Variants in DAB2IP observed in about 807,000 individuals in gnomAD.
The protein encoded by DAB2IP is disabled homolog 2-interacting protein.
DAB2IP carries 28 observed loss-of-function variants against 107.2 expected under a neutral mutation model. The observed-to-expected ratio is 0.26, with a 90% CI of 0.19 to 0.36. The LOEUF is 0.36. DAB2IP is among the 10% of genes least tolerant of loss of function. The pLI, the probability that DAB2IP is intolerant of heterozygous loss-of-function variation, is 1.00. For missense variants in DAB2IP, 1,400 were observed against 1,644.7 expected, an observed-to-expected ratio of 0.85 and a Z score of 2.57; for synonymous variants, 755 against 706.4, an observed-to-expected ratio of 1.07 and a Z score of -1.09.
intron 14 of DAB2IP, among the ~76,000 whole-genome samples, chr9:121,777,573 T>C (rs984160135): frequency 6.6e-6 from 1 of 152,248 alleles, no homozygotes; most frequent in African/African-American, 2.4e-5. Flanking sequence ...ACACGTTCGT[T>C]TCTACTAACC....
intron 1 of DAB2IP, among the ~76,000 whole-genome samples, chr9:121,659,568 C>T (rs931353140): frequency 1.5e-4 from 23 of 152,012 alleles, no homozygotes; most frequent in African/African-American, 4.8e-4. Context: ...CCGAGGTGGG[C>T]GGATCACGAG....
intron 1 of DAB2IP, among the ~76,000 whole-genome samples, chr9:121,674,092 C>G (rs1273349961): frequency 2.6e-5 from 4 of 152,152 alleles, no homozygotes; most frequent in African/African-American, 9.7e-5. Flanking sequence ...TCCCTGAGGC[C>G]CCATGGAGGA....
chr9:121,767,045 A>G (rs1031591588), intron 9 of DAB2IP, among the ~76,000 whole-genome samples: 1 of 152,240 alleles, frequency 6.6e-6, no homozygotes, highest in Non-Finnish European at 1.5e-5. Flanking sequence ...AACATTCATT[A>G]AGCCCTGTTT....
intron 1 of DAB2IP, among the ~76,000 whole-genome samples, chr9:121,569,686 T>C (rs1176821877): frequency 6.6e-6 from 1 of 152,210 alleles, no homozygotes; most frequent in Non-Finnish European, 1.5e-5. Context: ...CCAGGCATGG[T>C]GGTGCATGCC....
intron 3 of DAB2IP, among the ~76,000 whole-genome samples, chr9:121,700,729 T>C (rs1404524439): frequency 6.6e-6 from 1 of 152,164 alleles, no homozygotes; most frequent in Non-Finnish European, 1.5e-5. Context: ...GTAGAATGGC[T>C]AGACGTTTAA....
chr9:121,639,652 G>A (rs1198189822), intron 1 of DAB2IP, among the ~76,000 whole-genome samples: 1 of 152,142 alleles, frequency 6.6e-6, no homozygotes, highest in Non-Finnish European at 1.5e-5. Flanking sequence ...TCTCCATTTT[G>A]GGCCTCAGTT....
In DAB2IP at chr9:121,772,093, A is replaced by T. The variant is rs1287712673; in HGVS notation, c.2079-514A>T. ...CCAGGAACTCCAGCCCCCGCCTGCC[A>T]GTCAAACAAGGGAGCGGCAGCAGGA... On this transcript the variant is annotated intron_variant, in intron 11 of 15. Coordinates refer to ENST00000408936, the Ensembl canonical transcript of DAB2IP. The surrounding 1 kb of genome is among the most constrained non-coding windows in gnomAD (Gnocchi z 4.7). Among the ~76,000 whole-genome samples the T allele has an allele frequency of 3.3e-5, 5 of 152,154 alleles. No homozygotes were observed.
chr9:121,668,907 CTTT>C (rs377320590), intron 1 of DAB2IP, among the ~76,000 whole-genome samples: 12 of 72,180 alleles, frequency 1.7e-4, no homozygotes, highest in East Asian at 1.4e-3. Flanking sequence ...GTAAGCCTTA[CTTT>C]TTTTTTTTTT....
At chr9:121,765,365 C>G (rs1177784890) in intron 8 of DAB2IP, among the ~76,000 whole-genome samples, 1 of 152,264 alleles carries the variant, frequency 6.6e-6, no homozygotes, top group Non-Finnish European at 1.5e-5. Flanking sequence ...CTGTCCAGTT[C>G]TGTGCCAGGC....
At chr9:121,714,612 C>T (rs961103530) in intron 3 of DAB2IP, among the ~76,000 whole-genome samples, 2 of 152,200 alleles carry the variant, frequency 1.3e-5, no homozygotes, top group Non-Finnish European at 2.9e-5. Flanking sequence ...AGAGGATACT[C>T]TTCAGTTAGA....
intron 3 of DAB2IP, among the ~76,000 whole-genome samples, chr9:121,707,681 G>C (rs182780138): frequency 4.6e-5 from 7 of 152,356 alleles, no homozygotes; most frequent in African/African-American, 1.2e-4. Flanking sequence ...CAGTGAATTA[G>C]TGTAGTGTCT....
intron 1 of DAB2IP, among the ~76,000 whole-genome samples, chr9:121,658,972 A>G (rs981466887): frequency 6.6e-6 from 1 of 152,198 alleles, no homozygotes; most frequent in Non-Finnish European, 1.5e-5. Context: ...CTTCTCCCTG[A>G]CAGACAGGAG....
intron 1 of DAB2IP, among the ~76,000 whole-genome samples, chr9:121,609,948 C>T (rs753498078): frequency 1.3e-4 from 20 of 152,224 alleles, no homozygotes; most frequent in Non-Finnish European, 2.9e-4. Flanking sequence ...AGAGAGGGCT[C>T]CTGGCGTCGG....
chr9:121,567,998 C>T (rs1300269572), intron 1 of DAB2IP, among the ~76,000 whole-genome samples: 4 of 151,622 alleles, frequency 2.6e-5, no homozygotes, highest in South Asian at 4.2e-4. Context: ...GGCACCGAGG[C>T]TGGGCATGGG....
At position 121,570,200 on chromosome 9, in the gene DAB2IP, C is replaced by T. The variant is rs563807560; in HGVS notation, c.40+2972C>T. On this transcript the variant is annotated intron_variant, in intron 1 of 16. Coordinates refer to the DAB2IP transcript ENST00000259371. The stretch of plus-strand genomic sequence containing the variant: ...GATCTCAGCTCAATTGCAACCTCCA[C>T]TTCCCAGGCTCAATCCATCCTCCCA... Among the ~76,000 whole-genome samples the T allele has an allele frequency of 4.0e-5, 6 of 148,488 alleles. No homozygotes were observed. The South Asian group carries it at 1.1e-3, about 26-fold the overall frequency.
At position 121,700,745 on chromosome 9, in the gene DAB2IP, A is replaced by G. The variant is rs148709008; in HGVS notation, c.362+1287A>G. ...TAGAATGGCTAGACGTTTAATTTCC[A>G]TCGTCCCAGAGCCGCGCTCTCCAGT... On this transcript the variant is annotated intron_variant, in intron 3 of 15. Transcript: ENST00000408936. Among the ~76,000 whole-genome samples, 417 of 152,100 alleles carry G rather than the reference A, an allele frequency of 2.7e-3. 9 individuals are homozygous for G. The highest frequency in any genetic ancestry group is 2.3e-3 in the South Asian group (11 of 4,814).
intron 3 of DAB2IP, among the ~76,000 whole-genome samples, chr9:121,745,347 T>C (rs1589627407): frequency 6.6e-6 from 1 of 152,134 alleles, no homozygotes; most frequent in Non-Finnish European, 1.5e-5. Flanking sequence ...TGGTTTTCTT[T>C]GACATGGTGT....
chr9:121,743,420 G>C (rs1832486826), intron 3 of DAB2IP, among the ~76,000 whole-genome samples: 1 of 151,932 alleles, frequency 6.6e-6, no homozygotes, highest in African/African-American at 2.4e-5. Context: ...GAATTTTGGA[G>C]TTTCGTTTTT....
intron 1 of DAB2IP, among the ~76,000 whole-genome samples, chr9:121,617,324 A>AAAAAC (rs1198524903): frequency 3.9e-5 from 6 of 152,200 alleles, no homozygotes; most frequent in Admixed American, 1.3e-4. Context: ...ACTCTGTCTC[A>AAAAAC]AAAACAAAAC....
Sources: gnomAD v4.1 joint callset for allele counts (sites outside exome capture counted in the v4.1 genomes callset) on GRCh38, gnomAD v4.1.1 for gene constraint, Gnocchi (gnomAD v3.1) non-coding constraint, MANE v1.5 for transcripts, NCBI Gene and HGNC (gene_info 2026-07-23, HGNC 2026-07-21) for gene names.